Variants in DLG2 observed in about 807,000 individuals in gnomAD.
DLG2 encodes the protein discs large MAGUK scaffold protein 2.
Under a neutral mutation model 132.5 loss-of-function variants are expected in DLG2, and 45 were observed. That is an observed-to-expected ratio of 0.34 (90% CI 0.27 to 0.44). The LOEUF is 0.44. DLG2 is among the 20% of genes least tolerant of loss of function. DLG2 has a pLI of 1.00. For missense variants in DLG2, 1,045 were observed against 1,196.9 expected (o/e 0.87, Z 1.87); for synonymous variants, 424 against 419.6 (o/e 1.01, Z -0.13).
chr11:85,354,356 A>T (rs1218149922), intron 3 of DLG2, among the ~76,000 whole-genome samples: 3 of 152,114 alleles, frequency 2.0e-5, no homozygotes, highest in Non-Finnish European at 2.9e-5. Context: ...ACATTTATTT[A>T]TATATATAAT....
intron 11 of DLG2, among the ~76,000 whole-genome samples, chr11:84,002,357 G>C (rs1486256693): frequency 6.6e-6 from 1 of 152,208 alleles, no homozygotes; most frequent in Non-Finnish European, 1.5e-5. Context: ...CCCCAGTGGG[G>C]ACTCTGTGTG....
chr11:84,140,944 T>G (rs886810769), intron 9 of DLG2, among the ~76,000 whole-genome samples: 1 of 152,228 alleles, frequency 6.6e-6, no homozygotes, highest in East Asian at 1.9e-4. Context: ...ATACTTGTTA[T>G]GTGACCCGGG....
intron 6 of DLG2, among the ~76,000 whole-genome samples, chr11:84,571,115 A>G (rs1022892557): frequency 1.3e-5 from 2 of 152,182 alleles, no homozygotes; most frequent in African/African-American, 4.8e-5. Context: ...AGTAAATAAA[A>G]AGAAAGGAGG....
chr11:85,335,119 AT>A (rs1452690845), intron 3 of DLG2, among the ~76,000 whole-genome samples: 1 of 152,154 alleles, frequency 6.6e-6, no homozygotes, highest in African/African-American at 2.4e-5. Context: ...GGGTGCATAT[AT>A]ATTTAGGATA....
intron 6 of DLG2, among the ~76,000 whole-genome samples, chr11:84,933,535 T>C (rs1055857354): frequency 4.6e-5 from 7 of 152,168 alleles, no homozygotes; most frequent in Admixed American, 2.0e-4. Context: ...CTCTGATTTT[T>C]TTGAGTAGTG....
intron 20 of DLG2, among the ~76,000 whole-genome samples, chr11:83,537,289 G>C (rs1444787841): frequency 6.6e-6 from 1 of 152,154 alleles, no homozygotes; most frequent in Admixed American, 6.5e-5. Flanking sequence ...CCATAATTGG[G>C]TCAGGCTTGG....
At chr11:85,556,322 A>G (rs1504027) in intron 3 of DLG2, among the ~76,000 whole-genome samples, 23,409 of 151,632 alleles carry the variant, frequency 0.15, 2,400 homozygotes, top group East Asian at 0.31. Flanking sequence ...TCACGCACTG[A>G]CTCTAGGACC....
At chr11:84,752,759 C>T (rs2066333650) in intron 6 of DLG2, among the ~76,000 whole-genome samples, 1 of 132,680 alleles carries the variant, frequency 7.5e-6, no homozygotes. Context: ...TGATATTCCC[C>T]TTCCTGTGTC....
At chr11:84,889,343 G>T (rs892158098) in intron 6 of DLG2, among the ~76,000 whole-genome samples, 1 of 152,090 alleles carries the variant, frequency 6.6e-6, no homozygotes, top group South Asian at 2.1e-4. Flanking sequence ...ATCTCTGAAG[G>T]CTTCATGGTG....
At chr11:85,441,245 T>TGATCCCACTCTCATTTCTCCCCC (rs2091761983) in intron 3 of DLG2, among the ~76,000 whole-genome samples, 1 of 152,158 alleles carries the variant, frequency 6.6e-6, no homozygotes, top group African/African-American at 2.4e-5. Flanking sequence ...CTTTCTCCCC[T>TGATCCCACTCTCATTTCTCCCCC]GATCCCACTC....
intron 6 of DLG2, among the ~76,000 whole-genome samples, chr11:84,724,917 G>A (rs1051323276): frequency 2.6e-5 from 4 of 152,070 alleles, no homozygotes; most frequent in African/African-American, 9.7e-5. Context: ...TCTCATGGTG[G>A]AAGGAAAAAT....
At chr11:85,528,540 G>C (rs2074960523) in intron 3 of DLG2, among the ~76,000 whole-genome samples, 1 of 152,196 alleles carries the variant, frequency 6.6e-6, no homozygotes, top group South Asian at 2.1e-4. Context: ...GTTGGCAGTA[G>C]AGTAAACTGG....
chr11:84,254,998 C>CTGTAG (rs1291168051), intron 7 of DLG2, among the ~76,000 whole-genome samples: 4 of 152,152 alleles, frequency 2.6e-5, no homozygotes, highest in African/African-American at 9.7e-5. Context: ...TGACACACTA[C>CTGTAG]CCCACTGTGC....
intron 19 of DLG2, among the ~76,000 whole-genome samples, chr11:83,568,253 T>C (rs1338210372): frequency 1.3e-5 from 2 of 151,902 alleles, no homozygotes; most frequent in African/African-American, 2.4e-5. Flanking sequence ...TGAATGAGGA[T>C]AGGAAGAGAA....
intron 4 of DLG2, among the ~76,000 whole-genome samples, chr11:85,244,127 T>C (rs1261994996): frequency 1.3e-5 from 2 of 152,026 alleles, no homozygotes; most frequent in East Asian, 1.9e-4. Context: ...ATCTAGATGA[T>C]TTATTAAAAA....
chr11:83,646,057 T>C (rs609948), intron 18 of DLG2, among the ~76,000 whole-genome samples: 2 of 151,900 alleles, frequency 1.3e-5, no homozygotes, highest in Non-Finnish European at 2.9e-5. Context: ...AATCTACTTA[T>C]GTTTGATTGA....
chr11:84,879,977 C>A (rs1029990775), intron 6 of DLG2, among the ~76,000 whole-genome samples: 5 of 152,020 alleles, frequency 3.3e-5, no homozygotes, highest in African/African-American at 1.2e-4. Flanking sequence ...AGGAAAATAA[C>A]CAATTTCAAA....
intron 3 of DLG2, among the ~76,000 whole-genome samples, chr11:85,411,292 A>G (rs1278772918): frequency 6.6e-6 from 1 of 151,856 alleles, no homozygotes; most frequent in South Asian, 2.1e-4. Flanking sequence ...AATGAGAAAG[A>G]AAAAGAAAGC....
intron 11 of DLG2, among the ~76,000 whole-genome samples, chr11:84,024,513 C>T (rs1240553714): frequency 6.6e-6 from 1 of 152,026 alleles, no homozygotes; most frequent in Non-Finnish European, 1.5e-5. Context: ...CCTAAGTGTC[C>T]ATTAAGAGAT....
Sources: gnomAD v4.1 joint callset for allele counts (sites outside exome capture counted in the v4.1 genomes callset) on GRCh38, gnomAD v4.1.1 for gene constraint, MANE v1.5 for transcripts, NCBI Gene and HGNC (gene_info 2026-07-23, HGNC 2026-07-21) for gene names.